The following ACER3 variants were observed in gnomAD, a reference collection of about 807,000 sequenced individuals.
The protein encoded by ACER3 is alkaline ceramidase 3.
In ACER3, 16 loss-of-function variants were observed where a neutral mutation model predicts 48.9. That is an observed-to-expected ratio of 0.33 (90% CI 0.22 to 0.50). ACER3 has a LOEUF of 0.50. ACER3 is among the 20% of genes least tolerant of loss of function. ACER3 has a pLI of 0.98. For synonymous variants in ACER3, 109 were observed against 107.8 expected, an observed-to-expected ratio of 1.01 and a Z score of -0.07; for missense variants, 227 against 326.0, an observed-to-expected ratio of 0.70 and a Z score of 2.34.
intron 7 of ACER3, among the ~76,000 whole-genome samples, chr11:77,000,589 A>G (rs1388061729): frequency 2.0e-5 from 3 of 152,198 alleles, no homozygotes; most frequent in Admixed American, 2.0e-4. Flanking sequence ...CATTTTGTAT[A>G]AGGTGTGAGG....
At chr11:76,940,451 G>T (rs1024127914) in intron 2 of ACER3, among the ~76,000 whole-genome samples, 1 of 152,110 alleles carries the variant, frequency 6.6e-6, no homozygotes, top group Non-Finnish European at 1.5e-5. Flanking sequence ...TGTTTTAAAA[G>T]AATTGTTGAA....
At chr11:76,869,381 C>T (rs1265104420) in intron 1 of ACER3, among the ~76,000 whole-genome samples, 1 of 152,170 alleles carries the variant, frequency 6.6e-6, no homozygotes, top group Non-Finnish European at 1.5e-5. Flanking sequence ...GTGCTATGAT[C>T]GCTTATTACA....
chr11:76,928,530 T>A (rs1026574815), intron 2 of ACER3, among the ~76,000 whole-genome samples: 6 of 152,370 alleles, frequency 3.9e-5, no homozygotes, highest in Admixed American at 2.0e-4. Flanking sequence ...CATGAAGTCC[T>A]TGCCCATGCC....
chr11:76,984,984 A>G (rs927234749), intron 4 of ACER3, among the ~76,000 whole-genome samples: 4 of 151,832 alleles, frequency 2.6e-5, no homozygotes, highest in Non-Finnish European at 5.9e-5. Flanking sequence ...TCTTTTTGCC[A>G]TTCCTTCCTC....
intron 7 of ACER3, among the ~76,000 whole-genome samples, chr11:77,012,416 C>CAAAAAAAAAAAAAAAA (rs35917677): frequency 4.7e-5 from 1 of 21,386 alleles, no homozygotes; most frequent in Non-Finnish European, 1.0e-4. Context: ...GACTCCATCT[C>CAAAAAAAAAAAAAAAA]AAAAAAAAAA....
At chr11:76,864,596 A>ATTTTTTTTTTTTTTTTT (rs772026324) in intron 1 of ACER3, among the ~76,000 whole-genome samples, 1 of 99,926 alleles carries the variant, frequency 1.0e-5, no homozygotes, top group Non-Finnish European at 2.0e-5. Context: ...TGGAATGGGT[A>ATTTTTTTTTTTTTTTTT]TTTTTTTTTT....
chr11:76,952,126 TTATATATA>T (rs60620382), intron 2 of ACER3, among the ~76,000 whole-genome samples: 103 of 148,350 alleles, frequency 6.9e-4, no homozygotes, highest in East Asian at 2.2e-3. Flanking sequence ...AGAAAAAATA[TTATATATA>T]TATATACACA....
chr11:77,001,321 T>C lies in ACER3; in HGVS notation c.497+2500T>C, dbSNP rs1359095421. Among the ~76,000 whole-genome samples the C allele has an allele frequency of 3.9e-5, 6 of 152,198 alleles. No homozygotes were observed. The East Asian group carries it at 1.2e-3, about 29-fold the overall frequency. On this transcript the variant is annotated intron_variant, in intron 7 of 10. Transcript: ENST00000532485. ...CCCGGGCTGGAGTGCGATGGCATGA[T>C]CTCGGCTCGCTGCAGCCTCTGCCTC...
At chr11:76,994,615 G>C (rs1280577279) in intron 6 of ACER3, among the ~76,000 whole-genome samples, 1 of 152,190 alleles carries the variant, frequency 6.6e-6, no homozygotes, top group Admixed American at 6.5e-5. Flanking sequence ...TTACAGAACT[G>C]AGTACAATGA....
intron 2 of ACER3, among the ~76,000 whole-genome samples, chr11:76,929,716 A>G (rs190653571): frequency 2.0e-5 from 3 of 152,322 alleles, no homozygotes; most frequent in African/African-American, 7.2e-5. Flanking sequence ...TGCTGCATCT[A>G]TTGCGATAAC....
chr11:76,905,927 A>C (rs1044692358), intron 1 of ACER3, among the ~76,000 whole-genome samples: 2 of 152,362 alleles, frequency 1.3e-5, no homozygotes, highest in East Asian at 3.9e-4. Flanking sequence ...CACCAAATTA[A>C]CCATTACATC....
intron 7 of ACER3, among the ~76,000 whole-genome samples, chr11:77,000,259 C>G (rs1009634732): frequency 2.0e-5 from 3 of 152,088 alleles, no homozygotes; most frequent in African/African-American, 7.2e-5. Flanking sequence ...ATGTCTTTGC[C>G]TGGTTTCTCT....
intron 7 of ACER3, among the ~76,000 whole-genome samples, chr11:77,011,821 A>C (rs1249413131): frequency 1.3e-5 from 2 of 152,128 alleles, no homozygotes; most frequent in Non-Finnish European, 1.5e-5. Context: ...AAAGGAGAAA[A>C]ATTACATGAT....
At chr11:76,928,166 G>C (rs998423416) in intron 2 of ACER3, among the ~76,000 whole-genome samples, 7 of 152,298 alleles carry the variant, frequency 4.6e-5, no homozygotes, top group African/African-American at 1.4e-4. Flanking sequence ...ACTGGTGTGA[G>C]ATGGTATCTC....
At chr11:76,934,003 C>G (rs1947097851) in intron 2 of ACER3, among the ~76,000 whole-genome samples, 2 of 151,862 alleles carry the variant, frequency 1.3e-5, no homozygotes, top group South Asian at 4.2e-4. Context: ...TCCTCACATC[C>G]CAGACGGGGC....
intron 2 of ACER3, among the ~76,000 whole-genome samples, chr11:76,958,260 C>T (rs1351393199): frequency 2.0e-5 from 3 of 148,336 alleles, no homozygotes; most frequent in Middle Eastern, 3.3e-3. Context: ...AGTCTCAGCT[C>T]ACTGCAACCT....
chr11:76,982,495 A>G (rs1199551477), intron 4 of ACER3, among the ~76,000 whole-genome samples: 2 of 152,064 alleles, frequency 1.3e-5, no homozygotes, highest in African/African-American at 2.4e-5. Context: ...GATTACAGGC[A>G]TGAGCCACTG....
chr11:76,896,296 T>G (rs1198497244), intron 1 of ACER3, among the ~76,000 whole-genome samples: 1 of 152,138 alleles, frequency 6.6e-6, no homozygotes, highest in East Asian at 1.9e-4. Context: ...CTTCCAGAGT[T>G]GCATCAGAAC....
intron 1 of ACER3, chr11:76,868,290 T>C: frequency 7.8e-7 from 1 of 1,275,480 alleles, no homozygotes; most frequent in Non-Finnish European, 1.0e-6. Context: ...GCCTCCAAAT[T>C]ATAACTCAAA....
Sources: gnomAD v4.1 joint callset for allele counts (sites outside exome capture counted in the v4.1 genomes callset) on GRCh38, gnomAD v4.1.1 for gene constraint, MANE v1.5 for transcripts, NCBI Gene and HGNC (gene_info 2026-07-23, HGNC 2026-07-21) for gene names.